Variants in FNDC3A observed in about 807,000 individuals in gnomAD.
The protein encoded by FNDC3A is fibronectin type-III domain-containing protein 3A.
In FNDC3A, 32 loss-of-function variants were observed where a neutral mutation model predicts 148.9. The observed-to-expected ratio is 0.21, with a 90% CI of 0.16 to 0.29. The LOEUF (loss-of-function observed/expected upper bound fraction) is 0.29. Among genes scored for constraint, FNDC3A ranks in the 10% least tolerant of loss-of-function variants. FNDC3A has a pLI of 1.00. For synonymous variants in FNDC3A, 472 were observed against 473.6 expected, an observed-to-expected ratio of 1.00 and a Z score of 0.04; for missense variants, 1,191 against 1,452.8, an observed-to-expected ratio of 0.82 and a Z score of 2.93.
intron 8 of FNDC3A, among the ~76,000 whole-genome samples, chr13:49,151,738 G>A (rs1162034788): frequency 1.3e-5 from 2 of 151,836 alleles, no homozygotes; most frequent in East Asian, 3.9e-4. Context: ...CCCCCAACCT[G>A]CCATGACAGG....
chr13:49,183,415 C>T (rs531931168), intron 14 of FNDC3A, among the ~76,000 whole-genome samples: 13 of 152,270 alleles, frequency 8.5e-5, no homozygotes, highest in African/African-American at 3.1e-4. Flanking sequence ...ACACAGGGTT[C>T]CTAGCACAGT....
At chr13:48,986,579 G>A (rs1951807820) in intron 1 of FNDC3A, among the ~76,000 whole-genome samples, 2 of 151,610 alleles carry the variant, frequency 1.3e-5, no homozygotes, top group Admixed American at 6.6e-5. Flanking sequence ...GTATTTTTTA[G>A]TGGAAACGGG....
chr13:49,110,507 TATC>T (rs1272632693), intron 3 of FNDC3A: 3 of 809,898 alleles, frequency 3.7e-6, no homozygotes, highest in Non-Finnish European at 4.3e-6. Context: ...AGATGCTAAA[TATC>T]ATCGCCATAA....
intron 25 of FNDC3A, among the ~76,000 whole-genome samples, chr13:49,205,032 T>C (rs1886585960): frequency 6.6e-6 from 1 of 152,222 alleles, no homozygotes; most frequent in African/African-American, 2.4e-5. Context: ...CATCACTTTT[T>C]ACATGTACAT....
chr13:49,178,551 G>T lies in FNDC3A; in HGVS notation c.1531-17G>T, dbSNP rs1566309354. The T allele has an allele frequency of 6.6e-7, 1 of 1,510,322 alleles. No homozygotes were observed. Among genetic ancestry groups the T allele is most frequent in the East Asian group, 2.3e-5 (1 of 43,822 alleles). The allele number at this position is 1,510,322 out of a possible 1,614,324, so 93.6% of individuals were successfully genotyped here. On this transcript the variant is annotated splice_polypyrimidine_tract_variant and intron_variant, in intron 13 of 25. Coordinates refer to ENST00000492622, the MANE Select transcript of FNDC3A (RefSeq NM_001079673.2). ...TTGTTAGACATCGAATGAAGACTTTGTTTTTTCCTTTTCCAGGGATATGGT... is the reference window on the plus strand; with the variant it reads ...TTGTTAGACATCGAATGAAGACTTTTTTTTTTCCTTTTCCAGGGATATGGT...
chr13:49,057,284 T>C (rs1876320052), intron 2 of FNDC3A, among the ~76,000 whole-genome samples: 1 of 152,152 alleles, frequency 6.6e-6, no homozygotes, highest in Non-Finnish European at 1.5e-5. Context: ...GTTCTAATTA[T>C]TCTTTTACTA....
Position 49,175,400 on chromosome 13 carries a change from A to G in FNDC3A, c.1389A>G (p.Ser463=). 6.2e-7 allele frequency: 1 copy of G among 1,605,918 alleles called. No individual in the cohort carries two copies. The highest frequency in any genetic ancestry group is 8.5e-7 in the Non-Finnish European group (1 of 1,176,684). ...GTGAAGAAGTCTTATATTACACCTC[A>G]GGCTGTGCTCCTTCTATGCCAGCAA... ...GFSEEVLYYT[S]GCAPSMPASP... Residue 463 remains serine (S), a synonymous_variant, in exon 13 of 26, where the codon TCA becomes TCG. Transcript: ENST00000492622.
chr13:49,015,428 G>T (rs367793399), intron 2 of FNDC3A, among the ~76,000 whole-genome samples: 1 of 152,164 alleles, frequency 6.6e-6, no homozygotes, highest in South Asian at 2.1e-4. Context: ...AAGGATGCTT[G>T]TGATTTTTGT....
At chr13:49,110,481 G>GT in intron 3 of FNDC3A, 1 of 1,025,956 alleles carries the variant, frequency 9.7e-7, no homozygotes, top group Admixed American at 1.8e-5. Flanking sequence ...AAGTCATGCC[G>GT]TGTGTTTTTA....
intron 19 of FNDC3A, among the ~76,000 whole-genome samples, chr13:49,193,497 A>C (rs998159925): frequency 6.6e-6 from 1 of 152,132 alleles, no homozygotes; most frequent in Non-Finnish European, 1.5e-5. Context: ...CTCGGGCTCA[A>C]GTGATTCCCC....
intron 3 of FNDC3A, among the ~76,000 whole-genome samples, chr13:49,105,103 C>G (rs1487905547): frequency 6.6e-6 from 1 of 151,972 alleles, no homozygotes; most frequent in Non-Finnish European, 1.5e-5. Context: ...AAAAGACTAC[C>G]CAGTAGAAGA....
At chr13:49,184,492 G>T (rs758668508) in intron 14 of FNDC3A, among the ~76,000 whole-genome samples, 1 of 152,164 alleles carries the variant, frequency 6.6e-6, no homozygotes, top group Non-Finnish European at 1.5e-5. Flanking sequence ...TAAGAGATTG[G>T]ATGCGGTTTA....
intron 3 of FNDC3A, among the ~76,000 whole-genome samples, chr13:49,112,917 A>G (rs1235391867): frequency 2.0e-5 from 3 of 152,188 alleles, no homozygotes; most frequent in African/African-American, 4.8e-5. Flanking sequence ...TGGGAAGAGT[A>G]TCTTATTGAA....
chr13:49,160,358 T>A (rs1291301645), intron 8 of FNDC3A, among the ~76,000 whole-genome samples: 6 of 152,258 alleles, frequency 3.9e-5, no homozygotes, highest in Non-Finnish European at 8.8e-5. Flanking sequence ...AGGGTGTATG[T>A]GTCCAGGAAT....
Position 49,198,260 on chromosome 13 carries a change from A to G in FNDC3A, c.2769A>G (p.Thr923=). ...YIINNLQPDT[T]YRIRIQALNS... ...TCAACAATTTGCAACCAGATACAAC[A>G]TACAGGTATACTCTAAAAATTATGT... The change falls in exon 22 of 26, where the codon ACA becomes ACG. Residue 923 remains threonine, a synonymous_variant. Transcript: ENST00000492622. The G allele has an allele frequency of 3.1e-6, 5 of 1,613,270 alleles. No homozygotes were observed. The highest frequency in any genetic ancestry group is 4.2e-6 in the Non-Finnish European group (5 of 1,179,498).
chr13:49,044,774 G>T, intron 2 of FNDC3A: 1 of 428,270 alleles, frequency 2.3e-6, no homozygotes, highest in South Asian at 1.9e-5. Context: ...CTGGTAGGCA[G>T]AAGTCAGGAA....
At chr13:49,003,699 C>T (rs777123604) in intron 1 of FNDC3A, among the ~76,000 whole-genome samples, 1 of 152,040 alleles carries the variant, frequency 6.6e-6, no homozygotes, top group Non-Finnish European at 1.5e-5. Flanking sequence ...TTCAGATCTG[C>T]AACCTCTCTG....
chr13:49,136,189 C>A, intron 5 of FNDC3A, 143 bp from the exon 6 acceptor site: 3 of 630,970 alleles, frequency 4.8e-6, no homozygotes, highest in Non-Finnish European at 8.0e-6. Context: ...TATGGAGACA[C>A]AAAGGTTGCT....
chr13:49,158,372 C>T (rs907608768), intron 8 of FNDC3A, among the ~76,000 whole-genome samples: 23 of 152,244 alleles, frequency 1.5e-4, no homozygotes, highest in Admixed American at 1.3e-3. Context: ...CCTCGCCCTG[C>T]TTCGGCTCGC....
Sources: allele counts gnomAD v4.1 joint callset (sites outside exome capture counted in the v4.1 genomes callset), GRCh38; gene constraint gnomAD v4.1.1; transcripts MANE v1.5; gene names NCBI Gene and HGNC (gene_info 2026-07-23, HGNC 2026-07-21).